CWC27: variants seen among roughly 807,000 people sequenced by gnomAD.
CWC27 encodes the protein CWC27 spliceosome associated cyclophilin.
A neutral mutation model predicts 63.6 loss-of-function variants in CWC27; 47 were observed. The observed-to-expected ratio is 0.74, with a 90% CI of 0.58 to 0.94. The LOEUF (loss-of-function observed/expected upper bound fraction) is 0.94. Among genes scored for constraint, CWC27 ranks in the 40% least tolerant of loss-of-function variants. CWC27 has a pLI of 0.00. For missense variants in CWC27, 495 were observed against 554.3 expected (o/e 0.89, Z 1.07); for synonymous variants, 175 against 179.8 (o/e 0.97, Z 0.22).
chr5:64,990,166 G>A (rs775399385), intron 13 of CWC27, among the ~76,000 whole-genome samples: 1 of 151,812 alleles, frequency 6.6e-6, no homozygotes, highest in Non-Finnish European at 1.5e-5. Flanking sequence ...ATCAACTTTT[G>A]GAGAGTAATA....
intron 3 of CWC27, among the ~76,000 whole-genome samples, chr5:64,782,305 A>T (rs1319553887): frequency 6.6e-6 from 1 of 151,950 alleles, no homozygotes; most frequent in Admixed American, 6.6e-5. Flanking sequence ...AAAATTAGCC[A>T]GGCATGGTGG....
intron 10 of CWC27, among the ~76,000 whole-genome samples, chr5:64,861,099 G>C (rs1746402152): frequency 6.6e-6 from 1 of 152,142 alleles, no homozygotes; most frequent in Non-Finnish European, 1.5e-5. Flanking sequence ...CTCAAGCCTT[G>C]ACTCTGCCTG....
chr5:65,006,847 C>T (rs1038865028), intron 13 of CWC27, among the ~76,000 whole-genome samples: 2 of 151,868 alleles, frequency 1.3e-5, no homozygotes, highest in Non-Finnish European at 2.9e-5. Context: ...AGGTATTGGG[C>T]TTAATACATG....
intron 11 of CWC27, among the ~76,000 whole-genome samples, chr5:64,965,276 C>T (rs1291003533): frequency 6.6e-6 from 1 of 152,116 alleles, no homozygotes; most frequent in African/African-American, 2.4e-5. Flanking sequence ...ATTACAAAAT[C>T]CAACACAGTT....
chr5:64,999,154 C>A (rs893377290), intron 13 of CWC27, among the ~76,000 whole-genome samples: 1 of 151,974 alleles, frequency 6.6e-6, no homozygotes, highest in Admixed American at 6.6e-5. Flanking sequence ...TCTCTACTAT[C>A]TACTTCATGT....
chr5:64,957,424 T>C (rs1490186567), intron 11 of CWC27, among the ~76,000 whole-genome samples: 1 of 152,104 alleles, frequency 6.6e-6, no homozygotes, highest in Non-Finnish European at 1.5e-5. Context: ...AAGCACAAAG[T>C]GTGCTCTCTT....
Position 64,960,714 on chromosome 5 carries a change from C to A in CWC27, c.1043-10989C>A, listed in dbSNP as rs577736388. 5.9e-5 allele frequency among the ~76,000 whole-genome samples: 9 copies of A among 152,102 alleles called. 1 individual carries two copies. The South Asian group carries it at 1.0e-3, about 18-fold the overall frequency. On this transcript the variant is annotated intron_variant, in intron 11 of 13. Transcript: ENST00000381070. ...AAAAATTTTCTTGAAATAGTAAATC[C>A]AGAGACATTTAAAATCATTTATAAG...
intron 10 of CWC27, among the ~76,000 whole-genome samples, chr5:64,828,829 A>G (rs926384161): frequency 6.6e-6 from 1 of 152,116 alleles, no homozygotes; most frequent in African/African-American, 2.4e-5. Context: ...ACAACAACAC[A>G]TCAAATTCAG....
intron 7 of CWC27, among the ~76,000 whole-genome samples, chr5:64,789,378 T>A (rs1682233845): frequency 6.6e-6 from 1 of 152,078 alleles, no homozygotes; most frequent in Non-Finnish European, 1.5e-5. Context: ...ACTCTTATAT[T>A]CATTTTAATG....
intron 13 of CWC27, among the ~76,000 whole-genome samples, chr5:64,998,632 G>A (rs1749679308): frequency 6.6e-6 from 1 of 151,598 alleles, no homozygotes; most frequent in African/African-American, 2.4e-5. Context: ...AACTGAGGGG[G>A]CAATATAACA....
chr5:64,895,369 G>A (rs1747347545), intron 11 of CWC27, among the ~76,000 whole-genome samples: 1 of 151,464 alleles, frequency 6.6e-6, no homozygotes. Flanking sequence ...GAAAAAATTT[G>A]AGGGACATCA....
chr5:64,976,642 C>T (rs1471214794), intron 12 of CWC27, among the ~76,000 whole-genome samples: 2 of 152,138 alleles, frequency 1.3e-5, no homozygotes, highest in Non-Finnish European at 2.9e-5. Context: ...AAGGGATCCT[C>T]CTGCCTCAGG....
chr5:64,858,781 T>G (rs1561437207), intron 10 of CWC27, among the ~76,000 whole-genome samples: 1 of 152,102 alleles, frequency 6.6e-6, no homozygotes, highest in Non-Finnish European at 1.5e-5. Context: ...ACCAGGACTG[T>G]CAAACACAAG....
intron 10 of CWC27, among the ~76,000 whole-genome samples, chr5:64,835,668 G>T (rs1024640772): frequency 6.6e-6 from 1 of 151,782 alleles, no homozygotes; most frequent in African/African-American, 2.4e-5. Flanking sequence ...TTTGTTCATT[G>T]TGTGGAACCT....
At chr5:64,807,922 A>C in intron 10 of CWC27, 1 of 1,433,240 alleles carries the variant, frequency 7.0e-7, no homozygotes, top group Non-Finnish European at 9.1e-7. Context: ...TTCTAAATAC[A>C]TATCATCTAG....
chr5:64,785,576 T>G lies in CWC27; in HGVS notation c.492T>G (p.Cys164Trp). The G allele has an allele frequency of 1.3e-6, 2 of 1,580,800 alleles. No homozygotes were observed. The highest frequency in any genetic ancestry group is 1.7e-6 in the Non-Finnish European group (2 of 1,160,700). ...RPHNPHKIKS[C>W]EVLFNPFDDI... ...ATAATCCACACAAAATAAAAAGCTG[T>G]GAGGTAGGAGCATGATTATTACGAG... Residue 164 changes from cysteine to tryptophan, a missense_variant, in exon 5 of 14, where the codon TGT (cysteine) becomes TGG (tryptophan). Cys to Trp is a radical substitution (Grantham distance 215). Transcript: ENST00000381070.
At chr5:64,921,097 C>G (rs1478342290) in intron 11 of CWC27, among the ~76,000 whole-genome samples, 1 of 152,118 alleles carries the variant, frequency 6.6e-6, no homozygotes, top group African/African-American at 2.4e-5. Flanking sequence ...CATTTCCTCC[C>G]TACACTGCTC....
intron 11 of CWC27, among the ~76,000 whole-genome samples, chr5:64,898,686 A>T (rs1364547762): frequency 2.0e-5 from 3 of 152,150 alleles, no homozygotes; most frequent in Non-Finnish European, 2.9e-5. Flanking sequence ...AAGCAGATGG[A>T]TAAAGACTCA....
At chr5:64,816,719 G>A (rs1272857395) in intron 10 of CWC27, among the ~76,000 whole-genome samples, 2 of 152,068 alleles carry the variant, frequency 1.3e-5, no homozygotes, top group Admixed American at 6.6e-5. Context: ...TCTTATGTGT[G>A]GTAGAACCCA....
Sources: allele counts gnomAD v4.1 joint callset (sites outside exome capture counted in the v4.1 genomes callset), GRCh38; gene constraint gnomAD v4.1.1; transcripts MANE v1.5; gene names NCBI Gene and HGNC (gene_info 2026-07-23, HGNC 2026-07-21).